The following ZBTB40 variants were observed in gnomAD, a reference collection of about 807,000 sequenced individuals.
ZBTB40 encodes zinc finger and BTB domain-containing protein 40.
A neutral mutation model predicts 117.5 loss-of-function variants in ZBTB40; 60 were observed. The observed-to-expected ratio is 0.51, with a 90% CI of 0.41 to 0.63. ZBTB40 has a LOEUF of 0.63. Among genes scored for constraint, ZBTB40 ranks in the 30% least tolerant of loss-of-function variants. The pLI, the probability that ZBTB40 is intolerant of heterozygous loss-of-function variation, is 0.00. For synonymous variants in ZBTB40, 525 were observed against 577.1 expected (o/e 0.91, Z 1.29); for missense variants, 1,287 against 1,498.5 (o/e 0.86, Z 2.33).
In ZBTB40 at chr1:22,513,825, G is replaced by A. The variant is rs1258429748; in HGVS notation, c.2668+695G>A. ...CTGGGAGAGCTTCTGAAAGAGACTGGCTAACCTCCTATGACTTTATATTAG... is the reference window on the plus strand; with the variant it reads ...CTGGGAGAGCTTCTGAAAGAGACTGACTAACCTCCTATGACTTTATATTAG... On this transcript the variant is annotated intron_variant, in intron 12 of 17. Coordinates refer to ENST00000375647, the MANE Select transcript of ZBTB40 (RefSeq NM_014870.4). This position sits in a 1 kb window ranked among gnomAD's most constrained non-coding sequence, Gnocchi z 4.9. Among the ~76,000 whole-genome samples the A allele has an allele frequency of 6.6e-6, 1 of 152,206 alleles. No homozygotes were observed. The highest frequency in any genetic ancestry group is 2.4e-5 in the African/African-American group (1 of 41,450).
At chr1:22,516,858 A>T (rs1225538395) in intron 12 of ZBTB40, among the ~76,000 whole-genome samples, 1 of 152,242 alleles carries the variant, frequency 6.6e-6, no homozygotes, top group African/African-American at 2.4e-5. Context: ...CTTTATAGCA[A>T]GCAACTGGAA....
rs549104268 is a variant in ZBTB40, at chr1:22,480,572, G to T, written c.-69-9308G>T. On this transcript the variant is annotated intron_variant, in intron 1 of 17. Transcript: ENST00000375647. ...TCATCGTGTTAGCCAGGATGGTCTC[G>T]ATCTCCTGACCTCGTGATCTGCCCG... Among the ~76,000 whole-genome samples the T allele has an allele frequency of 2.6e-5, 4 of 151,596 alleles. No homozygotes were observed. In the East Asian group the frequency reaches 5.9e-4, roughly 22 times the overall value.
chr1:22,429,226 C>CA (rs1293271172), intron 1 of ZBTB40, among the ~76,000 whole-genome samples: 1 of 151,920 alleles, frequency 6.6e-6, no homozygotes, highest in Non-Finnish European at 1.5e-5. Flanking sequence ...ACTAAAAATA[C>CA]AAAAAATTAG....
chr1:22,438,425 A>G (rs1343346177), intron 1 of ZBTB40, among the ~76,000 whole-genome samples: 1 of 152,206 alleles, frequency 6.6e-6, no homozygotes, highest in Non-Finnish European at 1.5e-5. Flanking sequence ...TCATCAGTCA[A>G]TGGACACTTA....
intron 1 of ZBTB40, among the ~76,000 whole-genome samples, chr1:22,481,787 CAAAAAAAAAAAAAAA>C (rs766474050): frequency 7.0e-4 from 45 of 64,310 alleles, no homozygotes; most frequent in African/African-American, 3.0e-3. Flanking sequence ...CTTGTTTTAC[CAAAAAAAAAAAAAAA>C]AAAAAAAAAA....
intron 16 of ZBTB40, among the ~76,000 whole-genome samples, chr1:22,523,393 C>G (rs1304651141): frequency 6.6e-6 from 1 of 152,156 alleles, no homozygotes; most frequent in African/African-American, 2.4e-5. Context: ...GTCACTCACT[C>G]TAGTGTGCAT....
chr1:22,519,553 A>G (rs1346753795), intron 13 of ZBTB40: 3 of 202,404 alleles, frequency 1.5e-5, no homozygotes, highest in Non-Finnish European at 3.0e-5. Flanking sequence ...CACTTAGAAT[A>G]TGCCTGTCAT....
chr1:22,477,270 G>C (rs1641572379), intron 1 of ZBTB40, among the ~76,000 whole-genome samples: 1 of 152,174 alleles, frequency 6.6e-6, no homozygotes, highest in South Asian at 2.1e-4. Context: ...TAATGAGGAT[G>C]ATTTCATAGC....
intron 1 of ZBTB40, among the ~76,000 whole-genome samples, chr1:22,453,372 G>A (rs1640929271): frequency 1.3e-5 from 2 of 152,188 alleles, no homozygotes; most frequent in Non-Finnish European, 2.9e-5. Flanking sequence ...TGTTTGTTGA[G>A]CACTTACTGT....
upstream of ZBTB40, among the ~76,000 whole-genome samples, chr1:22,448,514 C>T (rs1316338114): frequency 6.6e-6 from 1 of 152,006 alleles, no homozygotes; most frequent in Non-Finnish European, 1.5e-5. Context: ...TTGTAAAACC[C>T]AAAAGTTATT....
chr1:22,506,233 G>A lies in ZBTB40; in HGVS notation c.1352G>A (p.Ser451Asn). 6.2e-7 allele frequency: 1 copy of A among 1,614,132 alleles called. No homozygotes were observed. The highest frequency in any genetic ancestry group is 8.5e-7 in the Non-Finnish European group (1 of 1,180,018). The change falls in exon 6 of 18, where the codon AGC (serine) becomes AAC (asparagine). Residue 451 changes from serine to asparagine, a missense_variant. Ser to Asn is a conservative substitution (Grantham distance 46, BLOSUM62 1). Transcript: ENST00000375647. ...EKLQKSATLP[S>N]TTVQPSPDDY... ...TTGCAGAAATCAGCCACTTTGCCAA[G>A]CACCACAGGTATTAGTAAATTGTTG...
chr1:22,521,805 A>C, intron 15 of ZBTB40, 147 bp downstream of exon 15: 1 of 1,190,470 alleles, frequency 8.4e-7, no homozygotes. Flanking sequence ...TGTCCGTAGC[A>C]GCAGCAGTCA....
At chr1:22,524,828 G>A (rs905918163) in intron 17 of ZBTB40, among the ~76,000 whole-genome samples, 1 of 152,228 alleles carries the variant, frequency 6.6e-6, no homozygotes, top group African/African-American at 2.4e-5. Context: ...GCAGGACACA[G>A]TACACACTTG....
intron 13 of ZBTB40, chr1:22,519,805 G>A: frequency 1.8e-6 from 1 of 544,904 alleles, no homozygotes; most frequent in Admixed American, 3.1e-5. Flanking sequence ...GAGGAATGGA[G>A]ATGAACTACA....
chr1:22,501,452 G>C (rs1333091763), intron 3 of ZBTB40, 40 bp from the exon 4 acceptor site: 25 of 1,610,620 alleles, frequency 1.6e-5, no homozygotes, highest in Admixed American at 3.3e-5. Context: ...TGGTTCTTGT[G>C]GTTCGCTAAT....
intron 1 of ZBTB40, among the ~76,000 whole-genome samples, chr1:22,434,353 A>G (rs539871736): frequency 6.6e-6 from 1 of 152,286 alleles, no homozygotes; most frequent in East Asian, 1.9e-4. Context: ...TAGGAAAATG[A>G]ATCCTTTGTC....
At position 22,511,876 on chromosome 1, in the gene ZBTB40, A is replaced by C; in HGVS notation, c.2203A>C (p.Ser735Arg). Residue 735 changes from serine to arginine, a missense_variant, in exon 11 of 18, where the codon AGC becomes CGC. Ser to Arg is a moderately radical substitution (Grantham distance 110, BLOSUM62 -1). Coordinates refer to ENST00000375647, the MANE Select transcript of ZBTB40 (RefSeq NM_014870.4). ...AGCCTCCCCAGACCCTGCCAAGAAG[A>C]GCTTCATCTGTAAGGCCTGCGACAA... is the stretch of plus-strand genomic sequence containing the variant. ...ASASPDPAKK[S>R]FICKACDKSF... 6.2e-7 allele frequency: 1 copy of C among 1,614,214 alleles called. No homozygotes were observed. The highest frequency in any genetic ancestry group is 8.5e-7 in the Non-Finnish European group (1 of 1,180,032).
intron 1 of ZBTB40, among the ~76,000 whole-genome samples, chr1:22,459,810 A>G (rs1641089280): frequency 6.6e-6 from 1 of 152,200 alleles, no homozygotes; most frequent in Non-Finnish European, 1.5e-5. Context: ...CATCTTTACC[A>G]TATTGACTCT....
chr1:22,500,087 C>T (rs1384646154), intron 3 of ZBTB40, among the ~76,000 whole-genome samples: 2 of 152,166 alleles, frequency 1.3e-5, no homozygotes, highest in South Asian at 2.1e-4. Flanking sequence ...TGACTGTACA[C>T]GTGAAATTCA....
Sources: allele counts gnomAD v4.1 joint callset (sites outside exome capture counted in the v4.1 genomes callset), GRCh38; gene constraint gnomAD v4.1.1; non-coding constraint Gnocchi (gnomAD v3.1); transcripts MANE v1.5; gene names NCBI Gene and HGNC (gene_info 2026-07-23, HGNC 2026-07-21).